The following EIF2AK4 variants were observed in gnomAD, a reference collection of about 807,000 sequenced individuals.
The protein encoded by EIF2AK4 is eIF-2-alpha kinase GCN2.
Under a neutral mutation model 211.1 loss-of-function variants are expected in EIF2AK4, and 139 were observed. The ratio of observed to expected loss-of-function variants is 0.66; its 90% CI spans 0.57 to 0.76. EIF2AK4 has a LOEUF of 0.76. Among genes scored for constraint, EIF2AK4 ranks in the 30% least tolerant of loss-of-function variants. EIF2AK4 has a pLI of 0.00. For synonymous variants in EIF2AK4, 710 were observed against 751.3 expected (o/e 0.94, Z 0.90); for missense variants, 1,664 against 2,043.8 (o/e 0.81, Z 3.58).
In EIF2AK4 at chr15:39,998,301, A is replaced by T. The variant is rs1306150237; in HGVS notation, c.2869-430A>T. Among the ~76,000 whole-genome samples, 6 of 119,616 alleles carry T rather than the reference A, an allele frequency of 5.0e-5. No homozygotes were observed. The East Asian group carries it at 1.2e-3, about 23-fold the overall frequency. 78.5% of individuals were successfully genotyped at this position (119,616 alleles called of 152,430 possible). A position where few individuals can be genotyped will look rare whatever the true frequency, so the allele number is the denominator to read the frequency against. On this transcript the variant is annotated intron_variant, in intron 19 of 38. Transcript: ENST00000263791. The stretch of plus-strand genomic sequence containing the variant: ...TTTTTTTTTGCCTTTTTTCATCTGC[A>T]TGTTTAATTAAACTACTTTGTTGTT...
chr15:40,003,662 A>G (rs2035122665), intron 23 of EIF2AK4, among the ~76,000 whole-genome samples: 1 of 152,234 alleles, frequency 6.6e-6, no homozygotes, highest in Non-Finnish European at 1.5e-5. Context: ...CTTCCTGGCT[A>G]GATCTTCAGT....
intron 6 of EIF2AK4, among the ~76,000 whole-genome samples, chr15:39,960,894 C>T (rs1252566236): frequency 1.3e-5 from 2 of 152,122 alleles, no homozygotes; most frequent in South Asian, 2.1e-4. Flanking sequence ...CCTCTTGCCT[C>T]GTGTTCTCAG....
intron 27 of EIF2AK4, among the ~76,000 whole-genome samples, chr15:40,013,551 A>G (rs2035265564): frequency 6.6e-6 from 1 of 152,188 alleles, no homozygotes; most frequent in Admixed American, 6.5e-5. Context: ...AAGGAGGAGC[A>G]AGTCACATCT....
chr15:40,024,919 G>A (rs995722089), intron 32 of EIF2AK4, among the ~76,000 whole-genome samples: 1 of 151,932 alleles, frequency 6.6e-6, no homozygotes, highest in African/African-American at 2.4e-5. Flanking sequence ...TAGAGACGAG[G>A]TCTCTACTAA....
At position 39,961,473 on chromosome 15, in the gene EIF2AK4, G is replaced by A. The variant is rs536503; in HGVS notation, c.744-311G>A. 0.91 allele frequency among the ~76,000 whole-genome samples: 139,013 copies of A among 152,242 alleles called. 63,892 individuals are homozygous for A. Among genetic ancestry groups the A allele is most frequent in the Middle Eastern group, 0.97 (285 of 294 alleles). On this transcript the variant is annotated intron_variant, in intron 6 of 38. Coordinates refer to ENST00000263791, the MANE Select transcript of EIF2AK4 (RefSeq NM_001013703.4). Reference sequence around the variant, plus strand: ...ACTTAAATGTGGCTACTGCACATGAGCTGAATTTTCAGTTTTATTTTAATA... The same window carrying A: ...ACTTAAATGTGGCTACTGCACATGAACTGAATTTTCAGTTTTATTTTAATA...
rs1433876593 is a variant in EIF2AK4, at chr15:40,017,232, A to G, written c.4055A>G (p.Tyr1352Cys). 5 of 1,612,922 alleles carry G rather than the reference A, an allele frequency of 3.1e-6. No homozygotes were observed. The South Asian group carries it at 3.3e-5, about 11-fold the overall frequency. ...GAAATCCTCGCAGCTGGAGGCAGAT[A>G]TGACCTGCTGGTGAGGGCTTGCCCT... ...VPEILAAGGR[Y>C]DLLIPQFRGP... The change falls in exon 29 of 39, where the codon TAT becomes TGT. Residue 1352 changes from tyrosine (Y) to cysteine (C), a missense_variant. Transcript: ENST00000263791.
At chr15:39,978,769 T>A (rs1021751559) in intron 13 of EIF2AK4, among the ~76,000 whole-genome samples, 4 of 152,228 alleles carry the variant, frequency 2.6e-5, no homozygotes, top group Admixed American at 2.6e-4. Flanking sequence ...GCTGTTTTTT[T>A]AGTTGTGTTT....
chr15:39,987,749 A>G lies in EIF2AK4; in HGVS notation c.2404-234A>G, dbSNP rs571615677. On this transcript the variant is annotated intron_variant, in intron 14 of 38. Coordinates refer to ENST00000263791, the MANE Select transcript of EIF2AK4 (RefSeq NM_001013703.4). ...AAACAAGTCATATTTTTAAATGAGC[A>G]ATAATATAAAAAATTAAAAATGGTT... 3.9e-5 allele frequency among the ~76,000 whole-genome samples: 6 copies of G among 152,370 alleles called. No individual in the cohort carries two copies. The East Asian group carries it at 9.6e-4, about 24-fold the overall frequency.
At chr15:40,019,472 G>A (rs1035710487) in intron 30 of EIF2AK4, among the ~76,000 whole-genome samples, 5 of 152,114 alleles carry the variant, frequency 3.3e-5, no homozygotes, top group African/African-American at 9.7e-5. Context: ...GGCCTGTTAC[G>A]AACCGGGCCG....
rs1477007327 is a variant in EIF2AK4 at position 39,955,632 on chromosome 15, A to G, written c.607A>G (p.Ile203Val). 11 of 1,606,822 alleles carry G rather than the reference A, an allele frequency of 6.8e-6. No individual in the cohort carries two copies. Among genetic ancestry groups the G allele is most frequent in the Non-Finnish European group, 9.3e-6 (11 of 1,178,168 alleles). The change falls in exon 6 of 39, where the codon ATT (isoleucine) becomes GTT (valine). Residue 203 changes from isoleucine (I) to valine (V), a missense_variant. By Grantham distance (29) the Ile-to-Val change is conservative. Around this residue, in one of 7 missense-constraint regions of EIF2AK4, gnomAD observed 641 missense variants for 729.6 expected, o/e 0.88. Coordinates refer to ENST00000263791, the MANE Select transcript of EIF2AK4 (RefSeq NM_001013703.4). ...KEMAKQERLEIASLSNQDHTS... is the reference protein window; with the variant it reads ...KEMAKQERLEVASLSNQDHTS... ...TTTCTTGTTCTAGGAACGTTTGGAA[A>G]TTGCTAGTTTGTCAAACCAAGATCA...
rs938483241 is a variant in EIF2AK4 at position 39,972,697 on chromosome 15, G to A, written c.1554-211G>A. On this transcript the variant is annotated intron_variant, in intron 9 of 38. Coordinates refer to ENST00000263791, the MANE Select transcript of EIF2AK4 (RefSeq NM_001013703.4). ...ATCTAGAGATGCCTTTTTTTGATTC[G>A]CCTCTTGTACCCAGCCTGTCGCATA... Among the ~76,000 whole-genome samples, 3 of 151,460 alleles carry A rather than the reference G, an allele frequency of 2.0e-5. 1 individual carries two copies. The highest frequency in any genetic ancestry group is 2.9e-5 in the Non-Finnish European group (2 of 67,880).
chr15:39,935,815 CA>C (rs1013825036), intron 1 of EIF2AK4, among the ~76,000 whole-genome samples: 1 of 152,130 alleles, frequency 6.6e-6, no homozygotes, highest in Non-Finnish European at 1.5e-5. Flanking sequence ...GCAAAACAGA[CA>C]AAAATCCTTG....
At chr15:39,970,610 A>G (rs1460772860) in intron 9 of EIF2AK4, among the ~76,000 whole-genome samples, 4 of 152,210 alleles carry the variant, frequency 2.6e-5, no homozygotes, top group Admixed American at 2.0e-4. Context: ...AGAATAATGT[A>G]TATAAGATGA....
At position 40,016,558 on chromosome 15, in the gene EIF2AK4, A is replaced by G; in HGVS notation, c.3816A>G (p.Pro1272=). 1 of 1,614,236 alleles carries G rather than the reference A, an allele frequency of 6.2e-7. No homozygotes were observed. The highest frequency in any genetic ancestry group is 1.3e-5 in the African/African-American group (1 of 75,064). The change falls in exon 28 of 39, where the codon CCA becomes CCG. Residue 1272 remains proline, a synonymous_variant. Coordinates refer to ENST00000263791, the MANE Select transcript of EIF2AK4 (RefSeq NM_001013703.4). ...EQKGDLQDLM[P]TINSLIKQKT... ...AGGGAGATTTGCAAGATCTTATGCC[A>G]ACAATAAATTCATTAATAAAACAGA...
In EIF2AK4 at chr15:39,997,038, G is replaced by T. The variant is rs2035027270; in HGVS notation, c.2841G>T (p.Arg947Ser). ...SYHPMVTASE[R>S]IFVLNQLRDP... ...ACCCCATGGTCACGGCTTCAGAAAG[G>T]ATCTTTGTTCTCAACCAACTCAGAG... Residue 947 changes from arginine (R) to serine (S), a missense_variant, in exon 19 of 39, where the codon AGG (arginine) becomes AGT (serine). This residue lies in a region of EIF2AK4 where 622 missense variants were observed against 796.8 expected (regional missense o/e 0.78). Transcript: ENST00000263791. 1 of 1,613,746 alleles carries T rather than the reference G, an allele frequency of 6.2e-7. No individual in the cohort carries two copies. Among genetic ancestry groups the T allele is most frequent in the African/African-American group, 1.3e-5 (1 of 74,892 alleles).
intron 9 of EIF2AK4, among the ~76,000 whole-genome samples, chr15:39,972,365 G>A (rs562558215): frequency 2.7e-4 from 37 of 139,380 alleles, no homozygotes; most frequent in Non-Finnish European, 4.4e-4. Context: ...AAAAAAAAAA[G>A]CATAAACCAA....
chr15:39,999,279 G>A (rs1054031230), intron 20 of EIF2AK4, among the ~76,000 whole-genome samples: 11 of 152,060 alleles, frequency 7.2e-5, no homozygotes, highest in African/African-American at 2.7e-4. Flanking sequence ...GTATATGTGT[G>A]TGTGACTCAT....
intron 32 of EIF2AK4, 145 bp downstream of exon 32, chr15:40,022,750 T>G: frequency 1.5e-6 from 1 of 665,504 alleles, no homozygotes; most frequent in Non-Finnish European, 2.5e-6. Flanking sequence ...TCTTTTTTTT[T>G]TTTGAGACGG....
chr15:39,955,835 G>C, intron 6 of EIF2AK4, 67 bp downstream of exon 6: 1 of 1,482,644 alleles, frequency 6.7e-7, no homozygotes, highest in African/African-American at 1.4e-5. Flanking sequence ...CATTGAAGAT[G>C]TAGTGAAATT....
Sources: gnomAD v4.1 joint callset for allele counts (sites outside exome capture counted in the v4.1 genomes callset) on GRCh38, gnomAD v4.1.1 for gene constraint, gnomAD v4.1.1 regional missense constraint, MANE v1.5 for transcripts, NCBI Gene and HGNC (gene_info 2026-07-23, HGNC 2026-07-21) for gene names.